SMARCAD1: variants seen among roughly 807,000 people sequenced by gnomAD.
SMARCAD1 encodes SWI/SNF-related matrix-associated actin-dependent regulator of chromatin subfamily A containing DEAD/H box 1.
In SMARCAD1, 25 loss-of-function variants were observed where a neutral mutation model predicts 127.1. That is an observed-to-expected ratio of 0.20 (90% CI 0.14 to 0.27). The LOEUF (loss-of-function observed/expected upper bound fraction) is 0.27, where lower values mean the gene tolerates loss of function less well. Ranked by LOEUF, SMARCAD1 falls within the 10% of genes least tolerant of loss-of-function variation. The pLI is 1.00. For missense variants in SMARCAD1, 807 were observed against 1,206.0 expected, an observed-to-expected ratio of 0.67 and a Z score of 4.90; for synonymous variants, 400 against 396.9, an observed-to-expected ratio of 1.01 and a Z score of -0.09.
At chr4:94,257,062 G>A (rs572267037) in intron 9 of SMARCAD1, among the ~76,000 whole-genome samples, 1 of 152,254 alleles carries the variant, frequency 6.6e-6, no homozygotes, top group African/African-American at 2.4e-5. Flanking sequence ...TACTTCAGAT[G>A]CTGACTGTTT....
At chr4:94,283,025 T>A (rs1754335560) in intron 21 of SMARCAD1, 96 bp from the exon 22 acceptor site, 27 of 1,018,712 alleles carry the variant, frequency 2.7e-5, no homozygotes, top group South Asian at 1.7e-4. Context: ...TACATACATC[T>A]TCAGGTTTCT....
intron 2 of SMARCAD1, among the ~76,000 whole-genome samples, chr4:94,223,843 A>C (rs924958604): frequency 6.6e-6 from 1 of 150,756 alleles, no homozygotes; most frequent in Admixed American, 6.6e-5. Context: ...GGCCTCCCAA[A>C]GTTCTGGGAT....
intron 14 of SMARCAD1, among the ~76,000 whole-genome samples, chr4:94,275,472 A>G (rs1753121833): frequency 6.6e-6 from 1 of 152,142 alleles, no homozygotes. Context: ...TTAAAGTTCT[A>G]TTTTAACTGT....
chr4:94,270,715 C>T lies in SMARCAD1; in HGVS notation c.1482-13C>T. The stretch of plus-strand genomic sequence containing the variant: ...TATAGATGTGTAATATTTGGTAACT[C>T]TCTCTTTACCAGTTTGTCACTCAAG... On this transcript the variant is annotated splice_polypyrimidine_tract_variant and intron_variant, in intron 10 of 23. Transcript: ENST00000354268. 2.5e-6 allele frequency: 4 copies of T among 1,604,462 alleles called. No individual in the cohort carries two copies. Among genetic ancestry groups the T allele is most frequent in the Non-Finnish European group, 3.4e-6 (4 of 1,171,496 alleles).
chr4:94,237,166 C>T (rs896146341), intron 5 of SMARCAD1, 148 bp downstream of exon 5: 1 of 712,016 alleles, frequency 1.4e-6, no homozygotes, highest in African/African-American at 1.8e-5. Flanking sequence ...ACTGTTTTTC[C>T]CTAAAAAGGG....
chr4:94,210,829 G>A (rs2125782222), intron 2 of SMARCAD1, among the ~76,000 whole-genome samples: 1 of 150,414 alleles, frequency 6.6e-6, no homozygotes, highest in South Asian at 2.1e-4. Flanking sequence ...TGCTGCTCAG[G>A]AGGCTGAGGC....
At chr4:94,220,176 C>A (rs558988076) in intron 2 of SMARCAD1, among the ~76,000 whole-genome samples, 1 of 152,296 alleles carries the variant, frequency 6.6e-6, no homozygotes, top group East Asian at 1.9e-4. Flanking sequence ...AAGTGTTCAG[C>A]ACTATTCTAA....
At chr4:94,214,696 G>A (rs1037135546) in intron 2 of SMARCAD1, among the ~76,000 whole-genome samples, 1 of 152,146 alleles carries the variant, frequency 6.6e-6, no homozygotes, top group African/African-American at 2.4e-5. Context: ...AAAGAATAAA[G>A]ACATATTTTC....
At chr4:94,232,075 C>G (rs1015994595) in intron 3 of SMARCAD1, among the ~76,000 whole-genome samples, 30 of 152,090 alleles carry the variant, frequency 2.0e-4, no homozygotes, top group Admixed American at 1.7e-3. Context: ...GTTAGCCAGG[C>G]TGGTCTTGAA....
In SMARCAD1 at chr4:94,276,367, G is replaced by A. The variant is rs1267145843; in HGVS notation, c.1837G>A (p.Asp613Asn). ...TAACTGTGCGATCAGCAGTTCTGAT[G>A]ACCGTAGTCTGTTTCGACGGCTGAA... ...TYNCAISSSD[D>N]RSLFRRLKLN... Residue 613 changes from aspartate to asparagine, a missense_variant, in exon 15 of 24, where the codon GAC becomes AAC. By Grantham distance (23) the Asp-to-Asn change is conservative. This residue lies in a region of SMARCAD1 where 148 missense variants were observed against 313.2 expected (regional missense o/e 0.47). Transcript: ENST00000354268. 1 of 1,614,124 alleles carries A rather than the reference G, an allele frequency of 6.2e-7. No homozygotes were observed. The highest frequency in any genetic ancestry group is 8.5e-7 in the Non-Finnish European group (1 of 1,180,034).
intron 9 of SMARCAD1, 116 bp downstream of exon 9, chr4:94,253,123 G>A (rs1003781249): frequency 6.4e-7 from 1 of 1,557,758 alleles, no homozygotes; most frequent in African/African-American, 1.4e-5. Context: ...CTTATCCTGT[G>A]TAAAGTCAAA....
Position 94,252,693 on chromosome 4 carries a change from G to C in SMARCAD1, c.967G>C (p.Ala323Pro). The C allele has an allele frequency of 1.3e-6, 2 of 1,585,514 alleles. No homozygotes were observed. The highest frequency in any genetic ancestry group is 1.7e-6 in the Non-Finnish European group (2 of 1,169,088). The change falls in exon 9 of 24, where the codon GCA (alanine) becomes CCA (proline). Residue 323 changes from alanine (A) to proline (P), a missense_variant. By Grantham distance (27) the Ala-to-Pro change is conservative. Coordinates refer to ENST00000354268, the MANE Select transcript of SMARCAD1 (RefSeq NM_020159.5). ...SSRSQNYPKNATKTKLKQKFS... is the reference protein window; with the variant it reads ...SSRSQNYPKNPTKTKLKQKFS... Reference sequence around the variant, plus strand: ...AAGAAGTCAAAATTACCCTAAAAATGCAACTAAAACAAAACTAAAACAGAA... The same window carrying C: ...AAGAAGTCAAAATTACCCTAAAAATCCAACTAAAACAAAACTAAAACAGAA...
At chr4:94,253,059 C>G in intron 9 of SMARCAD1, 52 bp downstream of exon 9, 1 of 1,602,226 alleles carries the variant, frequency 6.2e-7, no homozygotes, top group African/African-American at 1.3e-5. Flanking sequence ...ATTTAATTCA[C>G]AGTACCGGTT....
chr4:94,282,923 G>A (rs989471354), intron 21 of SMARCAD1, among the ~76,000 whole-genome samples, 198 bp from the exon 22 acceptor site: 1 of 152,146 alleles, frequency 6.6e-6, no homozygotes, highest in Non-Finnish European at 1.5e-5. Context: ...AGAGTTGGTA[G>A]GGGTAGCAAT....
At chr4:94,253,810 A>T in intron 9 of SMARCAD1, 2 of 623,878 alleles carry the variant, frequency 3.2e-6, no homozygotes, top group Non-Finnish European at 4.0e-6. Flanking sequence ...AGAACTCTTA[A>T]ATTTTGCTTC....
intron 10 of SMARCAD1, among the ~76,000 whole-genome samples, chr4:94,268,454 T>A (rs1240720325): frequency 6.6e-6 from 1 of 152,210 alleles, no homozygotes; most frequent in Non-Finnish European, 1.5e-5. Context: ...AAGTGATGTA[T>A]GCCTACCTTA....
At chr4:94,244,502 G>A (rs993317306) in intron 6 of SMARCAD1, among the ~76,000 whole-genome samples, 2 of 152,174 alleles carry the variant, frequency 1.3e-5, no homozygotes, top group Admixed American at 1.3e-4. Context: ...ATGAAAGACA[G>A]AAAACATGTT....
At chr4:94,240,862 G>A (rs1292144038) in intron 5 of SMARCAD1, 44 bp from the exon 6 acceptor site, 1 of 1,431,600 alleles carries the variant, frequency 7.0e-7, no homozygotes, top group South Asian at 1.2e-5. Flanking sequence ...TTGATTTTTT[G>A]CTATTTCTGT....
At chr4:94,233,287 G>T (rs1746132611) in intron 3 of SMARCAD1, among the ~76,000 whole-genome samples, 1 of 152,134 alleles carries the variant, frequency 6.6e-6, no homozygotes, top group Non-Finnish European at 1.5e-5. Context: ...TACCATGTTT[G>T]AAAACCAAAA....
Sources: gnomAD v4.1 joint callset for allele counts (sites outside exome capture counted in the v4.1 genomes callset) on GRCh38, gnomAD v4.1.1 for gene constraint, gnomAD v4.1.1 regional missense constraint, MANE v1.5 for transcripts, NCBI Gene and HGNC (gene_info 2026-07-23, HGNC 2026-07-21) for gene names.